COP1: variants seen among roughly 807,000 people sequenced by gnomAD.
COP1 encodes the protein COP1 E3 ubiquitin ligase, also known as E3 ubiquitin-protein ligase COP1.
COP1 carries 24 observed loss-of-function variants against 101.3 expected under a neutral mutation model. The observed-to-expected ratio is 0.24, with a 90% CI of 0.17 to 0.33. COP1 has a LOEUF of 0.33. COP1 is among the 10% of genes least tolerant of loss of function. COP1 has a pLI of 1.00. For missense variants in COP1, 663 were observed against 906.2 expected (o/e 0.73, Z 3.45); for synonymous variants, 347 against 341.9 (o/e 1.01, Z -0.17).
At chr1:176,107,564 T>A (rs1022303391) in intron 9 of COP1, among the ~76,000 whole-genome samples, 1 of 151,884 alleles carries the variant, frequency 6.6e-6, no homozygotes, top group Non-Finnish European at 1.5e-5. Context: ...CACAACAATA[T>A]AAACATACAA....
chr1:176,147,180 G>T (rs1691696455), intron 6 of COP1, among the ~76,000 whole-genome samples: 1 of 152,116 alleles, frequency 6.6e-6, no homozygotes, highest in Non-Finnish European at 1.5e-5. Flanking sequence ...CCTAAGACCT[G>T]TAACAATTAT....
At chr1:175,948,890 C>T (rs756928775) in intron 18 of COP1, among the ~76,000 whole-genome samples, 3 of 149,014 alleles carry the variant, frequency 2.0e-5, no homozygotes, top group East Asian at 2.1e-4. Flanking sequence ...GGGGGCTGGG[C>T]GCAGTGGCTC....
chr1:175,996,696 A>C (rs1339004021), intron 15 of COP1, among the ~76,000 whole-genome samples: 4 of 152,286 alleles, frequency 2.6e-5, no homozygotes, highest in Admixed American at 6.5e-5. Flanking sequence ...TACAAGGGAC[A>C]TGAAGGACCT....
Position 175,954,918 on chromosome 1 carries a change from C to A in COP1, c.2134-7679G>T, listed in dbSNP as rs183272392. ...TCATCCAGATATTAAAATTGGTTTT[C>A]AACATTAAAAAATATATATATATAA... is the stretch of plus-strand genomic sequence containing the variant. On this transcript the variant is annotated intron_variant, in intron 18 of 19. Transcript: ENST00000367669. 1.7e-3 allele frequency among the ~76,000 whole-genome samples: 264 copies of A among 151,644 alleles called. 1 individual carries two copies. The highest frequency in any genetic ancestry group is 1.0e-3 in the Non-Finnish European group (68 of 67,964).
intron 14 of COP1, among the ~76,000 whole-genome samples, chr1:176,038,553 C>T (rs1314394886): frequency 1.3e-5 from 2 of 152,196 alleles, no homozygotes; most frequent in African/African-American, 4.8e-5. Flanking sequence ...GGCATGGTGG[C>T]TCATGCCTGT....
intron 5 of COP1, among the ~76,000 whole-genome samples, chr1:176,149,813 T>C (rs1401578255): frequency 1.3e-5 from 2 of 151,988 alleles, no homozygotes. Flanking sequence ...GATAAAAATA[T>C]ATAAAATAAT....
chr1:176,129,634 T>C (rs181118019), intron 8 of COP1, among the ~76,000 whole-genome samples: 15 of 151,964 alleles, frequency 9.9e-5, no homozygotes, highest in African/African-American at 3.4e-4. Flanking sequence ...TTATAAAGCA[T>C]ACCCAGCTGA....
At chr1:176,009,500 A>G (rs1430304238) in intron 15 of COP1, among the ~76,000 whole-genome samples, 1 of 152,188 alleles carries the variant, frequency 6.6e-6, no homozygotes, top group Non-Finnish European at 1.5e-5. Context: ...GTCCTTGTGT[A>G]CTGTACAAAA....
In COP1 at chr1:176,038,691, G is replaced by A. The variant is rs552160619; in HGVS notation, c.1612+4495C>T. Among the ~76,000 whole-genome samples the A allele has an allele frequency of 6.6e-5, 10 of 152,010 alleles. No homozygotes were observed. The East Asian group carries it at 1.2e-3, about 18-fold the overall frequency. On this transcript the variant is annotated intron_variant, in intron 14 of 19. Transcript: ENST00000367669. ...AAATCAGCCACGTGTGGTGGCGTGC[G>A]CCTGTAATCCCAGCTACTCAGGAGG...
At chr1:175,988,528 C>CT in intron 16 of COP1, 116 bp from the exon 17 acceptor site, 1 of 999,612 alleles carries the variant, frequency 1.0e-6, no homozygotes, top group Non-Finnish European at 1.4e-6. Flanking sequence ...TGGAGCCAGA[C>CT]TGAGTTAGCA....
intron 6 of COP1, among the ~76,000 whole-genome samples, chr1:176,137,159 T>A (rs917018867): frequency 6.6e-5 from 10 of 152,202 alleles, no homozygotes; most frequent in Non-Finnish European, 1.5e-4. Context: ...TTTAAAAACA[T>A]ATTTGAGTTA....
At chr1:176,187,402 CGTGT>C (rs35205766) in intron 1 of COP1, among the ~76,000 whole-genome samples, 121,535 of 149,152 alleles carry the variant, frequency 0.81, 50,513 homozygotes, top group East Asian at 0.97. Flanking sequence ...TATAAATATA[CGTGT>C]GTGTGTGTGT....
At chr1:176,098,421 A>T (rs1185728446) in intron 9 of COP1, among the ~76,000 whole-genome samples, 5 of 152,190 alleles carry the variant, frequency 3.3e-5, no homozygotes, top group African/African-American at 1.2e-4. Context: ...ATTGTTCTGA[A>T]TTAGATAAGA....
At chr1:175,986,918 T>G (rs766858577) in intron 18 of COP1, 25 bp downstream of exon 18, 4 of 1,534,868 alleles carry the variant, frequency 2.6e-6, no homozygotes, top group Non-Finnish European at 3.5e-6. Context: ...GATCCCAAGG[T>G]GAAAAAACTG....
Position 176,117,187 on chromosome 1 carries a change from G to A in COP1, c.969-506C>T, listed in dbSNP as rs575477828. Among the ~76,000 whole-genome samples, 36 of 152,194 alleles carry A rather than the reference G, an allele frequency of 2.4e-4. 1 individual carries two copies. The East Asian group carries it at 2.9e-3, about 12-fold the overall frequency. On this transcript the variant is annotated intron_variant, in intron 8 of 19. Transcript: ENST00000367669. ...AGGCTAGCTATTTATATATCATCTA[G>A]AGTCCCTCCCAGCTTCAAAATATTA...
chr1:176,173,549 AAGATC>A (rs1349954889), intron 3 of COP1, among the ~76,000 whole-genome samples: 5 of 151,840 alleles, frequency 3.3e-5, no homozygotes, highest in Admixed American at 6.6e-5. Context: ...CTGAGGTGGG[AAGATC>A]ACCTGAACCA....
chr1:176,063,849 A>G (rs1675422591), intron 11 of COP1, among the ~76,000 whole-genome samples: 2 of 152,226 alleles, frequency 1.3e-5, no homozygotes, highest in Admixed American at 6.5e-5. Context: ...CGTTAAACCA[A>G]TGATGGATTG....
At chr1:176,041,647 C>T (rs1207784880) in intron 14 of COP1, among the ~76,000 whole-genome samples, 1 of 152,176 alleles carries the variant, frequency 6.6e-6, no homozygotes, top group African/African-American at 2.4e-5. Flanking sequence ...GCTACCACGC[C>T]CGGCCCCTGC....
rs1216000737 is a variant in COP1 at position 176,003,344 on chromosome 1, C to T, written c.1730-13865G>A. On this transcript the variant is annotated intron_variant, in intron 15 of 19. Transcript: ENST00000367669. Reference sequence around the variant, plus strand: ...TAGTTTCTTTCGCTGTGCAGAAGCTCTTTAGTTTAATTAGATCCCATTTGT... The same window carrying T: ...TAGTTTCTTTCGCTGTGCAGAAGCTTTTTAGTTTAATTAGATCCCATTTGT... Among the ~76,000 whole-genome samples, 9 of 152,202 alleles carry T rather than the reference C, an allele frequency of 5.9e-5. No homozygotes were observed. The East Asian group carries it at 1.7e-3, about 29-fold the overall frequency.
Sources: allele counts gnomAD v4.1 joint callset (sites outside exome capture counted in the v4.1 genomes callset), GRCh38; gene constraint gnomAD v4.1.1; transcripts MANE v1.5; gene names NCBI Gene and HGNC (gene_info 2026-07-23, HGNC 2026-07-21).